Variants in NAA20 observed in about 807,000 individuals in gnomAD.
The protein encoded by NAA20 is N-alpha-acetyltransferase 20, NatB catalytic subunit, also known as N-alpha-acetyltransferase 20.
NAA20 carries 24 observed loss-of-function variants against 23.8 expected under a neutral mutation model. The ratio of observed to expected loss-of-function variants is 1.01; its 90% CI spans 0.73 to 1.42. NAA20 has a LOEUF of 1.42. Among genes scored for constraint, NAA20 ranks in the 40% most tolerant of loss-of-function variants. NAA20 has a pLI of 0.00. For missense variants in NAA20, 166 were observed against 223.1 expected, an observed-to-expected ratio of 0.74 and a Z score of 1.63; for synonymous variants, 83 against 77.7, an observed-to-expected ratio of 1.07 and a Z score of -0.36.
intron 1 of NAA20, chr20:20,018,080 C>T (rs1261611817): frequency 6.2e-7 from 1 of 1,613,924 alleles, no homozygotes; most frequent in African/African-American, 1.3e-5. Flanking sequence ...GCTGCGCACC[C>T]CGGTGTACAC....
chr20:20,030,933 T>C (rs1277931992), intron 4 of NAA20, among the ~76,000 whole-genome samples: 1 of 152,164 alleles, frequency 6.6e-6, no homozygotes, highest in Non-Finnish European at 1.5e-5. Context: ...ATCTAGCAAG[T>C]GCTATGCAAG....
At position 20,033,262 on chromosome 20, in the gene NAA20, G is replaced by C. The variant is rs1402645398; in HGVS notation, c.*75G>C. ...ATTATTTTCATTGGATGATTCTGGA[G>C]CTCTATTAGGAGAAAAGTAATCATT... On this transcript the variant is annotated 3_prime_UTR_variant, in exon 6 of 6. Transcript: ENST00000334982. The C allele has an allele frequency of 1.8e-5, 22 of 1,192,962 alleles. No homozygotes were observed. The highest frequency in any genetic ancestry group is 2.6e-5 in the Non-Finnish European group (21 of 822,084). 73.9% of individuals were successfully genotyped at this position (1,192,962 alleles called of 1,614,324 possible).
chr20:20,025,995 T>TA (rs34483428), intron 3 of NAA20, among the ~76,000 whole-genome samples: 19,237 of 145,426 alleles, frequency 0.13, 2,442 homozygotes, highest in East Asian at 0.61. Flanking sequence ...TCTTTCATTC[T>TA]AAAAAAAAAA....
chr20:20,025,841 C>A, intron 3 of NAA20, 74 bp downstream of exon 3: 2 of 971,616 alleles, frequency 2.1e-6, no homozygotes, highest in South Asian at 2.6e-5. Flanking sequence ...TTGCTTTAGA[C>A]TGCAGAATTG....
In NAA20 at chr20:20,017,386, G is replaced by C; in HGVS notation, c.-11G>C. On this transcript the variant is annotated 5_prime_UTR_variant, in exon 1 of 6. Coordinates refer to ENST00000334982, the MANE Select transcript of NAA20 (RefSeq NM_016100.5). Reference sequence around the variant, plus strand: ...TCTTGGCGAACGGTCTTCGGAAGCGGCGGCGGCGCGATGACCACGCTACGG... The same window carrying C: ...TCTTGGCGAACGGTCTTCGGAAGCGCCGGCGGCGCGATGACCACGCTACGG... The C allele has an allele frequency of 1.2e-6, 2 of 1,611,194 alleles. No individual in the cohort carries two copies. The highest frequency in any genetic ancestry group is 8.5e-7 in the Non-Finnish European group (1 of 1,179,280).
rs1395438418 is a variant in NAA20, at chr20:20,017,717, G to A, written c.53+268G>A. The A allele has an allele frequency of 3.5e-6, 5 of 1,430,334 alleles. No individual in the cohort carries two copies. The East Asian group carries it at 1.0e-4, about 29-fold the overall frequency. 88.6% of individuals were successfully genotyped at this position (1,430,334 alleles called of 1,614,324 possible). ...TGGACCCTGCGAGCTGGCAGGTTCT[G>A]GGGCAGCGCTCGGGCCTCCGCTCGT... On this transcript the variant is annotated intron_variant, in intron 1 of 5. Transcript: ENST00000334982.
intron 2 of NAA20, among the ~76,000 whole-genome samples, chr20:20,023,327 AAGG>A (rs1317860937): frequency 2.0e-5 from 3 of 151,832 alleles, no homozygotes; most frequent in Admixed American, 6.6e-5. Context: ...AAAAAAAAAA[AAGG>A]AGAGTACCTT....
chr20:20,027,058 T>G (rs2043311500), intron 4 of NAA20, 139 bp downstream of exon 4: 2 of 1,201,914 alleles, frequency 1.7e-6, no homozygotes, highest in South Asian at 2.9e-5. Context: ...AGAACAATTC[T>G]ATCACATAGT....
chr20:20,031,714 T>C (rs1387171913), intron 4 of NAA20, among the ~76,000 whole-genome samples: 1 of 151,936 alleles, frequency 6.6e-6, no homozygotes, highest in Non-Finnish European at 1.5e-5. Context: ...GGGGGAAAAA[T>C]TGTATGAAAG....
upstream of NAA20, chr20:20,017,353 G>A: frequency 6.2e-7 from 1 of 1,608,366 alleles, no homozygotes; most frequent in South Asian, 1.1e-5. Context: ...GGCAGGGCGG[G>A]CGCGGGGTCT....
chr20:20,018,233 A>G (rs567444983), intron 1 of NAA20: 5 of 646,506 alleles, frequency 7.7e-6, no homozygotes, highest in East Asian at 5.5e-5. Flanking sequence ...AAAACATTTT[A>G]TTATGAAGAT....
At chr20:20,023,721 C>T (rs973184378) in intron 2 of NAA20, among the ~76,000 whole-genome samples, 1 of 152,166 alleles carries the variant, frequency 6.6e-6, no homozygotes, top group Non-Finnish European at 1.5e-5. Context: ...AGAGTTCAGT[C>T]TCATCAGTCA....
rs371762351 is a variant in NAA20 at position 20,022,494 on chromosome 20, C to CAA, written c.78+25_78+26dup. Reference sequence around the variant, plus strand: ...CTTACAGAAACTGTATCCTTTTTTACAAAAAAAAAAAAGTTGAATGAAGAT... The same window carrying CAA: ...CTTACAGAAACTGTATCCTTTTTTACAAAAAAAAAAAAAAGTTGAATGAAGAT... On this transcript the variant is annotated intron_variant, in intron 2 of 5. Coordinates refer to ENST00000334982, the MANE Select transcript of NAA20 (RefSeq NM_016100.5). 960 of 1,176,992 alleles carry CAA rather than the reference C, an allele frequency of 8.2e-4. No individual in the cohort carries two copies. Among genetic ancestry groups the CAA allele is most frequent in the South Asian group, 1.7e-3 (111 of 63,536 alleles). The allele number at this position is 1,176,992 out of a possible 1,614,324, so 72.9% of individuals were successfully genotyped here.
At chr20:20,029,383 G>A (rs191424149) in intron 4 of NAA20, among the ~76,000 whole-genome samples, 1 of 152,136 alleles carries the variant, frequency 6.6e-6, no homozygotes, top group Non-Finnish European at 1.5e-5. Context: ...TTGGGAGGCC[G>A]AGACAGGTGG....
intron 1 of NAA20, 21 bp from the exon 2 acceptor site, chr20:20,022,435 C>T: frequency 1.9e-6 from 3 of 1,585,714 alleles, no homozygotes; most frequent in Non-Finnish European, 2.6e-6. Context: ...TTACTAGAGA[C>T]ATTTCTCTTG....
chr20:20,026,929 A>C lies in NAA20; in HGVS notation c.305+10A>C. The C allele has an allele frequency of 1.2e-6, 2 of 1,614,126 alleles. No homozygotes were observed. The highest frequency in any genetic ancestry group is 1.7e-6 in the Non-Finnish European group (2 of 1,179,976). On this transcript the variant is annotated intron_variant, in intron 4 of 5. Transcript: ENST00000334982. ...AGGAGATTTCAGAAAGGTGAGATTC[A>C]GTTTTTCAAATACACTTAGTGATTT...
Position 20,032,592 on chromosome 20 carries a change from A to G in NAA20, c.390A>G (p.Val130=), listed in dbSNP as rs745619704. The change falls in exon 5 of 6, where the codon GTA becomes GTG. Residue 130 remains valine (V), a synonymous_variant. Coordinates refer to ENST00000334982, the MANE Select transcript of NAA20 (RefSeq NM_016100.5). ...VNMYKQLGYS[V]YRTVIEYYSA... The stretch of plus-strand genomic sequence containing the variant: ...TGTACAAGCAGTTGGGCTACAGTGT[A>G]TATAGGACGGTCATAGAGTACTATT... 12 of 1,613,588 alleles carry G rather than the reference A, an allele frequency of 7.4e-6. No homozygotes were observed. The South Asian group carries it at 1.3e-4, about 18-fold the overall frequency.
intron 1 of NAA20, among the ~76,000 whole-genome samples, chr20:20,019,710 G>T (rs373162497): frequency 2.0e-5 from 3 of 152,042 alleles, no homozygotes; most frequent in African/African-American, 4.8e-5. Flanking sequence ...TCAGCCTCCC[G>T]AGTAGTTGGG....
intron 4 of NAA20, among the ~76,000 whole-genome samples, chr20:20,027,867 G>A (rs995614270): frequency 7.9e-5 from 12 of 151,882 alleles, no homozygotes; most frequent in Admixed American, 7.9e-4. Context: ...CATTCTAGAA[G>A]AGAGATGTTT....
Sources: gnomAD v4.1 joint callset for allele counts (sites outside exome capture counted in the v4.1 genomes callset) on GRCh38, gnomAD v4.1.1 for gene constraint, MANE v1.5 for transcripts, NCBI Gene and HGNC (gene_info 2026-07-23, HGNC 2026-07-21) for gene names.